The following CTNNA3 variants were observed in gnomAD, a reference collection of about 807,000 sequenced individuals.
CTNNA3 encodes the protein catenin alpha-3.
In CTNNA3, 76 loss-of-function variants were observed where a neutral mutation model predicts 95.7. That is an observed-to-expected ratio of 0.79 (90% CI 0.66 to 0.96). CTNNA3 has a LOEUF of 0.96. Among genes scored for constraint, CTNNA3 ranks in the 40% least tolerant of loss-of-function variants. The pLI is 0.00. For missense variants in CTNNA3, 1,191 were observed against 1,089.8 expected, an observed-to-expected ratio of 1.09 and a Z score of -1.31; for synonymous variants, 431 against 374.4, an observed-to-expected ratio of 1.15 and a Z score of -1.74.
chr10:67,529,695 C>T (rs534455936), intron 4 of CTNNA3, among the ~76,000 whole-genome samples: 25 of 151,448 alleles, frequency 1.7e-4, no homozygotes, highest in African/African-American at 2.7e-4. Context: ...AAAAAATATA[C>T]GTTTGAAAAA....
chr10:66,100,984 C>A (rs1477437808), intron 14 of CTNNA3, among the ~76,000 whole-genome samples: 2 of 152,168 alleles, frequency 1.3e-5, no homozygotes, highest in Non-Finnish European at 2.9e-5. Flanking sequence ...TATCCTAATT[C>A]CAGCATTCTA....
rs1014812220 is a variant in CTNNA3 at position 65,988,880 on chromosome 10, A to C, written c.2160-83T>G. 3 of 893,206 alleles carry C rather than the reference A, an allele frequency of 3.4e-6. No homozygotes were observed. In the Admixed American group the frequency reaches 5.8e-5, roughly 17 times the overall value. 55.3% of individuals were successfully genotyped at this position (893,206 alleles called of 1,614,324 possible). On this transcript the variant is annotated intron_variant, in intron 15 of 17. Transcript: ENST00000433211. ...ACGATGGTTCATGAAAAAATGTATT[A>C]ATCTATGCGTCCATCCATCCGCATA... is the stretch of plus-strand genomic sequence containing the variant.
intron 12 of CTNNA3, among the ~76,000 whole-genome samples, chr10:66,287,583 C>T (rs2091611336): frequency 6.6e-6 from 1 of 151,882 alleles, no homozygotes; most frequent in African/African-American, 2.4e-5. Flanking sequence ...AAGAGAAGAG[C>T]TACATCTTTA....
chr10:66,747,534 GA>G (rs1838934250), intron 9 of CTNNA3, among the ~76,000 whole-genome samples: 1 of 152,124 alleles, frequency 6.6e-6, no homozygotes, highest in Non-Finnish European at 1.5e-5. Flanking sequence ...TTGAATTATG[GA>G]AAACTGACCT....
chr10:66,762,669 T>C (rs1426505122), intron 9 of CTNNA3, among the ~76,000 whole-genome samples: 1 of 151,898 alleles, frequency 6.6e-6, no homozygotes, highest in Non-Finnish European at 1.5e-5. Flanking sequence ...TCCCGTTTGT[T>C]TTTTTGAATT....
At chr10:66,079,752 A>G (rs1246422554) in intron 14 of CTNNA3, among the ~76,000 whole-genome samples, 2 of 151,996 alleles carry the variant, frequency 1.3e-5, no homozygotes, top group East Asian at 1.9e-4. Context: ...TAAATATGCT[A>G]ATTATAGCTC....
chr10:67,124,976 T>C (rs1301788603), intron 7 of CTNNA3, among the ~76,000 whole-genome samples: 1 of 152,078 alleles, frequency 6.6e-6, no homozygotes. Flanking sequence ...TTGGGAAAAA[T>C]CATTTTTCAA....
At chr10:67,107,259 T>C (rs988280920) in intron 7 of CTNNA3, among the ~76,000 whole-genome samples, 1 of 152,238 alleles carries the variant, frequency 6.6e-6, no homozygotes, top group Non-Finnish European at 1.5e-5. Flanking sequence ...CCAAATTAAA[T>C]CTCTTGGCCT....
At chr10:66,045,978 G>A (rs751230866) in intron 15 of CTNNA3, among the ~76,000 whole-genome samples, 7 of 152,138 alleles carry the variant, frequency 4.6e-5, no homozygotes, top group Non-Finnish European at 7.3e-5. Context: ...CAAGATGGCC[G>A]ACTAGATGCA....
chr10:66,435,194 T>G (rs2093328297), intron 11 of CTNNA3, among the ~76,000 whole-genome samples: 1 of 152,188 alleles, frequency 6.6e-6, no homozygotes, highest in Admixed American at 6.5e-5. Flanking sequence ...TTCTTTTCTA[T>G]TGTTTGAAAT....
intron 13 of CTNNA3, among the ~76,000 whole-genome samples, chr10:66,229,814 C>A (rs879680100): frequency 1.3e-5 from 2 of 152,002 alleles, no homozygotes; most frequent in Non-Finnish European, 2.9e-5. Flanking sequence ...AGGTTTCTGC[C>A]TTTTAGCATC....
intron 12 of CTNNA3, among the ~76,000 whole-genome samples, chr10:66,285,105 C>G (rs2091562638): frequency 6.6e-6 from 1 of 151,610 alleles, no homozygotes; most frequent in African/African-American, 2.4e-5. Flanking sequence ...AAGTACTGAC[C>G]TACTCTGATC....
intron 10 of CTNNA3, among the ~76,000 whole-genome samples, chr10:66,612,126 C>T (rs1482168886): frequency 6.6e-6 from 1 of 152,140 alleles, no homozygotes; most frequent in Non-Finnish European, 1.5e-5. Context: ...CATTCCCTTT[C>T]ACCTCCATCA....
At chr10:67,566,043 GTATATA>G (rs772272609) in intron 3 of CTNNA3, among the ~76,000 whole-genome samples, 297 of 26,970 alleles carry the variant, frequency 0.011, 41 homozygotes, top group East Asian at 0.042. Flanking sequence ...ATGTGTGTGT[GTATATA>G]TATATATATA....
intron 13 of CTNNA3, among the ~76,000 whole-genome samples, chr10:66,272,523 C>T (rs893791834): frequency 2.0e-5 from 3 of 152,002 alleles, no homozygotes; most frequent in Non-Finnish European, 2.9e-5. Flanking sequence ...GAACTATGAT[C>T]ATTAGTGCCA....
intron 5 of CTNNA3, among the ~76,000 whole-genome samples, chr10:67,251,976 A>T (rs1866124752): frequency 6.6e-6 from 1 of 152,030 alleles, no homozygotes; most frequent in African/African-American, 2.4e-5. Flanking sequence ...TTGGGAGGCC[A>T]AGGCAGGTGA....
intron 13 of CTNNA3, among the ~76,000 whole-genome samples, chr10:66,265,877 T>C (rs1363843448): frequency 6.6e-6 from 1 of 152,040 alleles, no homozygotes; most frequent in African/African-American, 2.4e-5. Flanking sequence ...TCTACAAAAA[T>C]GTAAACTCCA....
chr10:67,448,546 A>AGAAT (rs894879573), intron 5 of CTNNA3, among the ~76,000 whole-genome samples: 21 of 152,122 alleles, frequency 1.4e-4, no homozygotes, highest in Middle Eastern at 3.5e-3. Flanking sequence ...TAATCAAAGA[A>AGAAT]GAATGAATGA....
At position 66,139,697 on chromosome 10, in the gene CTNNA3, A is replaced by T. The variant is rs552945581; in HGVS notation, c.1885-36448T>A. Among the ~76,000 whole-genome samples the T allele has an allele frequency of 2.0e-3, 304 of 152,104 alleles. 1 individual carries two copies. Among genetic ancestry groups the T allele is most frequent in the African/African-American group, 6.8e-3 (284 of 41,490 alleles). On this transcript the variant is annotated intron_variant, in intron 13 of 17. Coordinates refer to ENST00000433211, the MANE Select transcript of CTNNA3 (RefSeq NM_013266.4). ...ATAGACCATCATAATTGTCCCTCTC[A>T]TTGTGTCATATTTTTCAAGTGAAGG... is the stretch of plus-strand genomic sequence containing the variant.
Sources: allele counts gnomAD v4.1 joint callset (sites outside exome capture counted in the v4.1 genomes callset), GRCh38; gene constraint gnomAD v4.1.1; transcripts MANE v1.5; gene names NCBI Gene and HGNC (gene_info 2026-07-23, HGNC 2026-07-21).